BSND: variants seen among roughly 807,000 people sequenced by gnomAD.
BSND encodes barttin.
Under a neutral mutation model 18.8 loss-of-function variants are expected in BSND, and 13 were observed. The observed-to-expected ratio is 0.69, with a 90% CI of 0.45 to 1.10. BSND has a LOEUF of 1.10. Ranked by LOEUF, BSND falls within the 50% of genes least tolerant of loss-of-function variation. BSND has a pLI of 0.00. For missense variants in BSND, 379 were observed against 416.7 expected, an observed-to-expected ratio of 0.91 and a Z score of 0.79; for synonymous variants, 170 against 161.8, an observed-to-expected ratio of 1.05 and a Z score of -0.39.
In BSND at chr1:55,007,880, C is replaced by T. The variant is rs74072612; in HGVS notation, c.549-334C>T. ...GTCCAATGAGGGAGGCAAAGACACC[C>T]GGGGACACCTCAGTGTAACTGGGCC... On this transcript the variant is annotated intron_variant, in intron 3 of 3. Coordinates refer to ENST00000651561, the MANE Select transcript of BSND (RefSeq NM_057176.3). Among the ~76,000 whole-genome samples the T allele has an allele frequency of 8.2e-3, 1,254 of 152,286 alleles. 24 individuals carry two copies. Among genetic ancestry groups the T allele is most frequent in the African/African-American group, 0.029 (1,204 of 41,546 alleles).
chr1:55,013,295 C>G lies in BSND; in HGVS notation c.*4667C>G, dbSNP rs1005376373. On this transcript the variant is annotated 3_prime_UTR_variant, in exon 4 of 4. Transcript: ENST00000651561. ...TCTCCTGCCTCAGCCTCCCAAGTAG[C>G]TAGGATTACAGGCGCCTGCCACCAC... 6.6e-6 allele frequency among the ~76,000 whole-genome samples: 1 copy of G among 152,156 alleles called. No individual in the cohort carries two copies. Among genetic ancestry groups the G allele is most frequent in the African/African-American group, 2.4e-5 (1 of 41,408 alleles).
rs1644383576 is a variant in BSND at position 55,005,199 on chromosome 1, AG to A, written c.272+85del. 2.3e-6 allele frequency: 3 copies of A among 1,311,486 alleles called. No individual in the cohort carries two copies. The Admixed American group carries it at 5.4e-5, about 24-fold the overall frequency. 81.2% of individuals were successfully genotyped at this position (1,311,486 alleles called of 1,614,324 possible). A position where few individuals can be genotyped will look rare whatever the true frequency, so the allele number is the denominator to read the frequency against. ...GACTGAGGAGAGTGAGAGGGAGGGC[AG>A]GAAGGCTGTTTGCCTTCTCACTTAC... On this transcript the variant is annotated intron_variant, in intron 2 of 3. Transcript: ENST00000651561.
intron 1 of BSND, among the ~76,000 whole-genome samples, chr1:55,001,322 C>T (rs570708631): frequency 8.6e-5 from 13 of 151,548 alleles, no homozygotes; most frequent in African/African-American, 1.7e-4. Context: ...TTGGTATTTG[C>T]GGCACTGGGT....
rs1324650199 is a variant in BSND at position 55,013,686 on chromosome 1, A to T, written c.*5058A>T. On this transcript the variant is annotated 3_prime_UTR_variant, in exon 4 of 4. Transcript: ENST00000651561. ...GTTCCACTGAGCATCTCCCTGTGCT[A>T]GTGTGGAGGGAGACACCCCCCTGCA... is the stretch of plus-strand genomic sequence containing the variant. Among the ~76,000 whole-genome samples, 1 of 152,146 alleles carries T rather than the reference A, an allele frequency of 6.6e-6. No individual in the cohort carries two copies. The highest frequency in any genetic ancestry group is 2.4e-5 in the African/African-American group (1 of 41,414).
In BSND at chr1:55,008,451, C is replaced by T; in HGVS notation, c.786C>T (p.Ala262=). 6 of 1,614,132 alleles carry T rather than the reference C, an allele frequency of 3.7e-6. No individual in the cohort carries two copies. The highest frequency in any genetic ancestry group is 5.1e-6 in the Non-Finnish European group (6 of 1,179,996). The change falls in exon 4 of 4, where the codon GCC becomes GCT. Residue 262 remains alanine (A), a synonymous_variant. Transcript: ENST00000651561. Reference sequence around the variant, plus strand: ...AAGAGGGGCAGCAGTGGGAAATAGCCCTGCCCAACAACTGGCAGCGGTACC... The same window carrying T: ...AAGAGGGGCAGCAGTGGGAAATAGCTCTGCCCAACAACTGGCAGCGGTACC... ...EPQEGQQWEI[A]LPNNWQRYPR... is the part of the protein sequence containing the mutation.
At position 55,008,288 on chromosome 1, in the gene BSND, G is replaced by T. The variant is rs1644401828; in HGVS notation, c.623G>T (p.Gly208Val). 1.9e-6 allele frequency: 3 copies of T among 1,614,220 alleles called. No homozygotes were observed. Among genetic ancestry groups the T allele is most frequent in the Non-Finnish European group, 2.5e-6 (3 of 1,180,042 alleles). The change falls in exon 4 of 4, where the codon GGC becomes GTC. Residue 208 changes from glycine to valine, a missense_variant. Transcript: ENST00000651561. Reference protein sequence around the residue: ...QDDLDMDSSEGSSPNASPHDR... With the variant: ...QDDLDMDSSEVSSPNASPHDR... ...GACCTGGACATGGACTCCAGTGAAG[G>T]CAGCAGCCCCAATGCATCTCCACAT... is the stretch of plus-strand genomic sequence containing the variant.
intron 1 of BSND, among the ~76,000 whole-genome samples, chr1:55,002,775 G>A (rs1018719014): frequency 2.0e-5 from 3 of 152,078 alleles, no homozygotes; most frequent in African/African-American, 7.2e-5. Context: ...GGGATAGTGA[G>A]GGTGAGAATG....
chr1:55,006,303 T>G (rs1644391316), intron 2 of BSND, among the ~76,000 whole-genome samples: 1 of 152,144 alleles, frequency 6.6e-6, no homozygotes. Context: ...TTCTGAGCTC[T>G]TCCCAGTCAC....
chr1:55,006,729 G>A (rs934319984), intron 2 of BSND, among the ~76,000 whole-genome samples: 1 of 152,178 alleles, frequency 6.6e-6, no homozygotes, highest in African/African-American at 2.4e-5. Context: ...TTTTGCAATT[G>A]CATCCTTGTG....
At chr1:55,006,590 T>G (rs1257420386) in intron 2 of BSND, among the ~76,000 whole-genome samples, 3 of 152,246 alleles carry the variant, frequency 2.0e-5, no homozygotes, top group Non-Finnish European at 4.4e-5. Flanking sequence ...TGTCCTCATC[T>G]GTAAACTGGG....
At chr1:55,000,645 C>T (rs934340482) in intron 1 of BSND, among the ~76,000 whole-genome samples, 1 of 152,258 alleles carries the variant, frequency 6.6e-6, no homozygotes, top group Admixed American at 6.5e-5. Context: ...CCTGCCCCCT[C>T]CACGGGCCAA....
In BSND at chr1:55,011,465, A is replaced by T. The variant is rs1644422114; in HGVS notation, c.*2837A>T. On this transcript the variant is annotated 3_prime_UTR_variant, in exon 4 of 4. Transcript: ENST00000651561. ...CGCATATCTTGGAATCTTGGAAGTG[A>T]TGGGGGTGTTTGATGGGACCTATCT... 1 of 152,202 alleles carries T rather than the reference A, an allele frequency of 6.6e-6. No homozygotes were observed. Among genetic ancestry groups the T allele is most frequent in the African/African-American group, 2.4e-5 (1 of 41,442 alleles). 9.4% of individuals were successfully genotyped at this position (152,202 alleles called of 1,614,324 possible).
At chr1:55,000,582 T>C (rs2101645168) in intron 1 of BSND, among the ~76,000 whole-genome samples, 1 of 152,230 alleles carries the variant, frequency 6.6e-6, no homozygotes, top group South Asian at 2.1e-4. Context: ...GTGCTCAGGG[T>C]TTCAGGGAAG....
intron 3 of BSND, 44 bp from the exon 4 acceptor site, chr1:55,008,170 C>A (rs1644401028): frequency 1.3e-6 from 2 of 1,570,402 alleles, no homozygotes; most frequent in South Asian, 1.1e-5. Context: ...CCCAGGCATT[C>A]TGACTCAGAG....
chr1:55,015,329 C>T lies in BSND; in HGVS notation c.*6701C>T, dbSNP rs909361273. ...TCCTCCTTGCTGACCACAAATCCAG[C>T]AGAGCAGGGCAGGGAACCCTGTGGC... On this transcript the variant is annotated 3_prime_UTR_variant, in exon 4 of 4. Transcript: ENST00000651561. Among the ~76,000 whole-genome samples the T allele has an allele frequency of 3.3e-5, 5 of 152,184 alleles. No individual in the cohort carries two copies. The highest frequency in any genetic ancestry group is 1.2e-4 in the African/African-American group (5 of 41,446).
Position 55,014,848 on chromosome 1 carries a change from A to G in BSND, c.*6220A>G, listed in dbSNP as rs1644442002. On this transcript the variant is annotated 3_prime_UTR_variant, in exon 4 of 4. Transcript: ENST00000651561. ...ACATTGGATAGCTGGTAGGCAACCC[A>G]GAAGAGGTGGGAGTTGCAAGCCAGG... 1.3e-5 allele frequency among the ~76,000 whole-genome samples: 2 copies of G among 152,206 alleles called. No homozygotes were observed. The highest frequency in any genetic ancestry group is 4.8e-5 in the African/African-American group (2 of 41,452).
rs533220136 is a variant in BSND at position 55,003,524 on chromosome 1, C to T, written c.178-1498C>T. On this transcript the variant is annotated intron_variant, in intron 1 of 3. Transcript: ENST00000651561. ...ACAAAGGCCCCCTCCATCCATCATT[C>T]CCTTCTCCCCATCAGAATGGAGCTT... 3.3e-5 allele frequency among the ~76,000 whole-genome samples: 5 copies of T among 152,330 alleles called. No homozygotes were observed. The East Asian group carries it at 9.6e-4, about 29-fold the overall frequency.
chr1:55,000,375 C>G (rs941554541), intron 1 of BSND, among the ~76,000 whole-genome samples: 7 of 151,188 alleles, frequency 4.6e-5, no homozygotes, highest in Non-Finnish European at 7.4e-5. Context: ...GGCTCTGTCT[C>G]TTACTGCCTG....
intron 3 of BSND, 70 bp from the exon 4 acceptor site, chr1:55,008,144 G>T: frequency 2.2e-6 from 3 of 1,364,664 alleles, no homozygotes; most frequent in Non-Finnish European, 3.1e-6. Context: ...CTTGCAGCTA[G>T]CGGCTGGAAT....
Sources: allele counts gnomAD v4.1 joint callset (sites outside exome capture counted in the v4.1 genomes callset), GRCh38; gene constraint gnomAD v4.1.1; transcripts MANE v1.5; gene names NCBI Gene and HGNC (gene_info 2026-07-23, HGNC 2026-07-21).